IFT46: variants seen among roughly 807,000 people sequenced by gnomAD.
The protein encoded by IFT46 is intraflagellar transport 46, also known as intraflagellar transport protein 46 homolog.
Under a neutral mutation model 39.6 loss-of-function variants are expected in IFT46, and 19 were observed. That is an observed-to-expected ratio of 0.48 (90% CI 0.33 to 0.70). IFT46 has a LOEUF of 0.70. Among genes scored for constraint, IFT46 ranks in the 30% least tolerant of loss-of-function variants. The probability of loss-of-function intolerance (pLI) is 0.01; values close to 1 mark genes in which losing one functional copy is unlikely to be tolerated. For synonymous variants in IFT46, 117 were observed against 134.8 expected, an observed-to-expected ratio of 0.87 and a Z score of 0.91; for missense variants, 334 against 364.8, an observed-to-expected ratio of 0.92 and a Z score of 0.69.
upstream of IFT46, among the ~76,000 whole-genome samples, chr11:118,568,936 G>A (rs919650094): frequency 1.3e-5 from 2 of 151,856 alleles, no homozygotes; most frequent in South Asian, 2.1e-4. Context: ...GATTACAGGC[G>A]TAAGCCACCG....
chr11:118,549,586 A>G (rs1426877492), intron 9 of IFT46, among the ~76,000 whole-genome samples: 3 of 143,806 alleles, frequency 2.1e-5, no homozygotes, highest in Non-Finnish European at 4.5e-5. Flanking sequence ...GTGCAGTGGC[A>G]CGATCTCGGC....
Position 118,559,779 on chromosome 11 carries a change from C to T in IFT46, c.45+6G>A. ...ATTCTACAAGAAGCTGTGAGTTTTACTGTACCTTGTTATTTTCCTCTTCAC... is the reference window on the plus strand; with the variant it reads ...ATTCTACAAGAAGCTGTGAGTTTTATTGTACCTTGTTATTTTCCTCTTCAC... On this transcript the variant is annotated splice_donor_region_variant and intron_variant, in intron 3 of 11. Transcript: ENST00000264021. 1.9e-6 allele frequency: 3 copies of T among 1,610,424 alleles called. No homozygotes were observed. Among genetic ancestry groups the T allele is most frequent in the Non-Finnish European group, 2.5e-6 (3 of 1,176,730 alleles).
chr11:118,568,898 C>T (rs1341100797), upstream of IFT46, among the ~76,000 whole-genome samples: 9 of 151,774 alleles, frequency 5.9e-5, no homozygotes, highest in African/African-American at 7.3e-5. Context: ...TCAAGTGATC[C>T]GCCCACCTCG....
At chr11:118,553,952 T>C (rs1232159773) in intron 7 of IFT46, among the ~76,000 whole-genome samples, 1 of 152,126 alleles carries the variant, frequency 6.6e-6, no homozygotes, top group Non-Finnish European at 1.5e-5. Context: ...TTAAAACTAA[T>C]AAGTTGTACA....
chr11:118,549,090 G>T (rs1298723374), intron 9 of IFT46, among the ~76,000 whole-genome samples: 7 of 151,668 alleles, frequency 4.6e-5, no homozygotes, highest in African/African-American at 1.7e-4. Flanking sequence ...GTAGAAACGG[G>T]GTTTTGCCAT....
intron 7 of IFT46, among the ~76,000 whole-genome samples, chr11:118,553,552 T>C (rs987053743): frequency 6.6e-6 from 1 of 152,240 alleles, no homozygotes; most frequent in African/African-American, 2.4e-5. Context: ...CATTCATTGC[T>C]GGTGGGAATG....
Position 118,544,940 on chromosome 11 carries a change from G to A in IFT46, c.891C>T (p.Asp297=). 1 of 1,613,418 alleles carries A rather than the reference G, an allele frequency of 6.2e-7. No homozygotes were observed. Among genetic ancestry groups the A allele is most frequent in the Non-Finnish European group, 8.5e-7 (1 of 1,179,486 alleles). The change falls in exon 12 of 12, where the codon GAC becomes GAT. Residue 297 remains aspartate, a synonymous_variant. Coordinates refer to ENST00000264021, the MANE Select transcript of IFT46 (RefSeq NM_001168618.2). ...PSSNSTSQAG[D]METLTFS is the part of the protein sequence containing the mutation. ...CTCAGCTGAAGGTTAATGTCTCCAT[G>A]TCTCCAGCTTGGGAGGTGGAATTGG...
Position 118,555,045 on chromosome 11 carries a change from T to G in IFT46, c.299A>C (p.Lys100Thr). 1 of 1,614,000 alleles carries G rather than the reference T, an allele frequency of 6.2e-7. No individual in the cohort carries two copies. Among genetic ancestry groups the G allele is most frequent in the East Asian group, 2.2e-5 (1 of 44,888 alleles). ...TGGGATAAAATCAGGAATGAAAGGC[T>G]TCAGTTTGTGGTCCAGGTCAATCAA... ...PQLIDLDHKL[K>T]PFIPDFIPAV... The change falls in exon 6 of 12, where the codon AAG becomes ACG. Residue 100 changes from lysine (K) to threonine (T), a missense_variant. Physicochemically the swap from Lys to Thr is moderately conservative, Grantham distance 78. Transcript: ENST00000264021.
At chr11:118,556,264 A>G (rs979854471) in intron 4 of IFT46, among the ~76,000 whole-genome samples, 2 of 152,042 alleles carry the variant, frequency 1.3e-5, no homozygotes, top group African/African-American at 2.4e-5. Flanking sequence ...GGCCGAGGCG[A>G]GCGGATCACG....
At chr11:118,576,282 C>T (rs1267432153), upstream of IFT46, among the ~76,000 whole-genome samples, 2 of 150,982 alleles carry the variant, frequency 1.3e-5, no homozygotes, top group Non-Finnish European at 2.9e-5. Context: ...TTTGGCAAAG[C>T]TCAACTTTAT....
At chr11:118,556,196 A>C (rs1555069445) in intron 4 of IFT46, among the ~76,000 whole-genome samples, 1 of 152,004 alleles carries the variant, frequency 6.6e-6, no homozygotes, top group Non-Finnish European at 1.5e-5. Flanking sequence ...CTAATTTTTA[A>C]AAAATTTTTG....
chr11:118,576,178 C>G (rs879962461), upstream of IFT46, among the ~76,000 whole-genome samples: 1 of 151,930 alleles, frequency 6.6e-6, no homozygotes, highest in Non-Finnish European at 1.5e-5. Context: ...ACTTGAGGCA[C>G]TTAACAATTC....
At chr11:118,565,191 C>G in intron 1 of IFT46, 130 bp from the exon 2 acceptor site, 1 of 152,144 alleles carries the variant, frequency 6.6e-6, no homozygotes, top group East Asian at 1.9e-4. Flanking sequence ...AAACCATCAC[C>G]CCATCCAAAC....
intron 3 of IFT46, 52 bp downstream of exon 3, chr11:118,559,733 T>C (rs374576299): frequency 7.0e-7 from 1 of 1,436,870 alleles, no homozygotes; most frequent in Non-Finnish European, 9.8e-7. Flanking sequence ...CATCTCTAAC[T>C]ACTAAAAACC....
upstream of IFT46, among the ~76,000 whole-genome samples, chr11:118,570,364 G>A (rs7106316): frequency 0.94 from 143,725 of 152,176 alleles, 67,978 homozygotes; most frequent in East Asian, 1. Context: ...CCAGCCAGGA[G>A]AAAACTGACT....
chr11:118,575,781 G>T (rs1390623284), upstream of IFT46, among the ~76,000 whole-genome samples: 1 of 152,164 alleles, frequency 6.6e-6, no homozygotes, highest in Non-Finnish European at 1.5e-5. Flanking sequence ...TTTTGAGAGA[G>T]AGTTGTGCAT....
intron 9 of IFT46, among the ~76,000 whole-genome samples, chr11:118,548,789 C>G (rs186615542): frequency 6.6e-6 from 1 of 151,446 alleles, no homozygotes; most frequent in Non-Finnish European, 1.5e-5. Context: ...CTGCACCTGG[C>G]CTTTTTTTTT....
chr11:118,554,924 G>GT, intron 6 of IFT46, 66 bp downstream of exon 6: 1 of 1,180,666 alleles, frequency 8.5e-7, no homozygotes, highest in Non-Finnish European at 1.3e-6. Flanking sequence ...TAGGGAAACT[G>GT]TTAAGAGTAA....
In IFT46 at chr11:118,561,795, G is replaced by A. The variant is rs536602487; in HGVS notation, c.-35-1931C>T. Among the ~76,000 whole-genome samples, 5 of 152,246 alleles carry A rather than the reference G, an allele frequency of 3.3e-5. No homozygotes were observed. In the East Asian group the frequency reaches 5.8e-4, roughly 18 times the overall value. ...AAATAATAGTCACAAGTTTGAATCC[G>A]AATCAGTATGCAAAGATAAGAGCAA... On this transcript the variant is annotated intron_variant, in intron 2 of 11. Coordinates refer to ENST00000264021, the MANE Select transcript of IFT46 (RefSeq NM_001168618.2).
Sources: gnomAD v4.1 joint callset for allele counts (sites outside exome capture counted in the v4.1 genomes callset) on GRCh38, gnomAD v4.1.1 for gene constraint, MANE v1.5 for transcripts, NCBI Gene and HGNC (gene_info 2026-07-23, HGNC 2026-07-21) for gene names.